Variants in PCDHA11 observed in about 807,000 individuals in gnomAD.
The protein encoded by PCDHA11 is protocadherin alpha 11, also known as protocadherin alpha-11.
In PCDHA11, 61 loss-of-function variants were observed where a neutral mutation model predicts 70.3. The observed-to-expected ratio is 0.87, with a 90% CI of 0.71 to 1.07. The LOEUF is 1.07. Among genes scored for constraint, PCDHA11 ranks in the 50% least tolerant of loss-of-function variants. PCDHA11 has a pLI of 0.00. For missense variants in PCDHA11, 1,324 were observed against 1,237.5 expected, an observed-to-expected ratio of 1.07 and a Z score of -1.05; for synonymous variants, 633 against 555.1, an observed-to-expected ratio of 1.14 and a Z score of -1.97.
At chr5:140,898,957 G>A (rs1165991766) in intron 1 of PCDHA11, among the ~76,000 whole-genome samples, 13 of 152,052 alleles carry the variant, frequency 8.5e-5, no homozygotes, top group Admixed American at 8.5e-4. Flanking sequence ...AAGCAGTTGT[G>A]AATGGGAGTT....
At chr5:140,968,609 G>C (rs1554230915) in intron 1 of PCDHA11, 1 of 1,614,194 alleles carries the variant, frequency 6.2e-7, no homozygotes, top group Admixed American at 1.7e-5. Context: ...CTCAGACTCT[G>C]GGCAAAATGC....
At chr5:140,892,283 C>T (rs1554185144) in intron 1 of PCDHA11, among the ~76,000 whole-genome samples, 1 of 152,172 alleles carries the variant, frequency 6.6e-6, no homozygotes, top group African/African-American at 2.4e-5. Context: ...GTATTAAACA[C>T]TTCTTCCTGG....
intron 3 of PCDHA11, among the ~76,000 whole-genome samples, chr5:140,998,057 A>G (rs2097795221): frequency 1.3e-5 from 2 of 152,294 alleles, no homozygotes; most frequent in South Asian, 4.1e-4. Flanking sequence ...TGACATCATC[A>G]TCAACAGACT....
chr5:140,949,012 A>G (rs1029892336), intron 1 of PCDHA11, among the ~76,000 whole-genome samples: 11 of 151,632 alleles, frequency 7.3e-5, no homozygotes, highest in African/African-American at 2.7e-4. Flanking sequence ...TTTATATGTG[A>G]TGTTTTTATT....
chr5:140,871,302 G>A lies in PCDHA11; in HGVS notation c.2199G>A (p.Pro733=). 6.2e-7 allele frequency: 1 copy of A among 1,613,972 alleles called. No homozygotes were observed. Among genetic ancestry groups the A allele is most frequent in the Non-Finnish European group, 8.5e-7 (1 of 1,179,968 alleles). Residue 733 remains proline (P), a synonymous_variant, in exon 1 of 4, where the codon CCG becomes CCA. Coordinates refer to ENST00000398640, the MANE Select transcript of PCDHA11 (RefSeq NM_018902.5). ...CGCCCACTGAGGGCGCGTGCGCGCCGGGGAAGCCCACGCTGGTGTGCTCCC... is the reference window on the plus strand; with the variant it reads ...CGCCCACTGAGGGCGCGTGCGCGCCAGGGAAGCCCACGCTGGTGTGCTCCC... ...SATPTEGACA[P]GKPTLVCSRA...
intron 3 of PCDHA11, among the ~76,000 whole-genome samples, chr5:140,987,400 C>T (rs1554249169): frequency 1.3e-5 from 2 of 152,090 alleles, no homozygotes; most frequent in Middle Eastern, 3.2e-3. Context: ...AGGAAGCCAT[C>T]TGTTTATGGT....
At chr5:140,916,261 A>C (rs2077497892) in intron 1 of PCDHA11, among the ~76,000 whole-genome samples, 1 of 152,168 alleles carries the variant, frequency 6.6e-6, no homozygotes. Context: ...GGACCCCAAG[A>C]GCATGCTTGT....
chr5:140,932,866 T>C (rs1584758563), intron 1 of PCDHA11, among the ~76,000 whole-genome samples: 1 of 151,996 alleles, frequency 6.6e-6, no homozygotes, highest in Non-Finnish European at 1.5e-5. Flanking sequence ...TTATTGTCTT[T>C]TGTTGTCTTC....
At chr5:140,929,395 C>G (rs1317256449) in intron 1 of PCDHA11, 8 of 1,510,412 alleles carry the variant, frequency 5.3e-6, no homozygotes, top group Non-Finnish European at 5.3e-6. Flanking sequence ...TGAAATATTT[C>G]TTAGACAAGC....
chr5:140,882,891 A>C, intron 1 of PCDHA11: 1 of 1,614,230 alleles, frequency 6.2e-7, no homozygotes, highest in East Asian at 2.2e-5. Flanking sequence ...ATTCAGGAAC[A>C]TAGTTTATTA....
Position 140,883,261 on chromosome 5 carries a change from G to A in PCDHA11, c.2391+11767G>A, listed in dbSNP as rs148578758. The A allele has an allele frequency of 8.1e-5, 131 of 1,613,912 alleles. No individual in the cohort carries two copies. In the African/African-American group the frequency reaches 1.7e-3, roughly 21 times the overall value. On this transcript the variant is annotated intron_variant, in intron 1 of 3. Transcript: ENST00000398640. Reference sequence around the variant, plus strand: ...TTGACAAAGGAAATATTCCAATGGCGGGTCATTGTACCCTTTTGGTGGAAG... The same window carrying A: ...TTGACAAAGGAAATATTCCAATGGCAGGTCATTGTACCCTTTTGGTGGAAG...
chr5:140,980,487 G>C (rs2096891705), intron 2 of PCDHA11, among the ~76,000 whole-genome samples: 1 of 152,124 alleles, frequency 6.6e-6, no homozygotes, highest in African/African-American at 2.4e-5. Flanking sequence ...AAAATTAGCT[G>C]GGCGTGATGG....
rs1207602014 is a variant in PCDHA11 at position 140,886,275 on chromosome 5, T to A, written c.2391+14781T>A. On this transcript the variant is annotated intron_variant, in intron 1 of 3. Transcript: ENST00000398640. ...ATCTCTATTTATAGATAAAATTTTT[T>A]AAAATTATTTTTATATTTATTTATT... 5.9e-5 allele frequency among the ~76,000 whole-genome samples: 9 copies of A among 152,098 alleles called. No homozygotes were observed. In the East Asian group the frequency reaches 1.5e-3, roughly 26 times the overall value.
At chr5:140,895,875 G>A (rs1277056649) in intron 1 of PCDHA11, among the ~76,000 whole-genome samples, 5 of 152,060 alleles carry the variant, frequency 3.3e-5, no homozygotes, top group African/African-American at 7.2e-5. Context: ...GCAATGGCGC[G>A]ATCTCGGCTC....
intron 1 of PCDHA11, among the ~76,000 whole-genome samples, chr5:140,960,011 A>G (rs578052753): frequency 1.2e-4 from 18 of 152,350 alleles, no homozygotes; most frequent in Admixed American, 1.0e-3. Flanking sequence ...TCTATTTTGC[A>G]TCATGATTTT....
At chr5:140,948,313 G>T (rs1554218515) in intron 1 of PCDHA11, among the ~76,000 whole-genome samples, 2 of 151,362 alleles carry the variant, frequency 1.3e-5, no homozygotes, top group Non-Finnish European at 3.0e-5. Flanking sequence ...TCTTCTTGAG[G>T]GGTAATGTTT....
intron 1 of PCDHA11, chr5:140,876,322 A>G (rs146464308): frequency 6.2e-7 from 1 of 1,614,034 alleles, no homozygotes; most frequent in Non-Finnish European, 8.5e-7. Context: ...GATCAAAATG[A>G]TTTTGCCAGT....
At chr5:140,871,833 T>G (rs2053334975) in intron 1 of PCDHA11, among the ~76,000 whole-genome samples, 1 of 152,282 alleles carries the variant, frequency 6.6e-6, no homozygotes, top group African/African-American at 2.4e-5. Flanking sequence ...CCTTCATCTC[T>G]AAACTTCAAT....
rs894945353 is a variant in PCDHA11 at position 140,936,140 on chromosome 5, G to A, written c.2392-42809G>A. ...ACTCCTGACCTTAAGTGATCTGCCC[G>A]CCTTGGCCTCCTAAAGTGCTGGGAT... is the stretch of plus-strand genomic sequence containing the variant. On this transcript the variant is annotated intron_variant, in intron 1 of 3. Coordinates refer to ENST00000398640, the MANE Select transcript of PCDHA11 (RefSeq NM_018902.5). 7.2e-5 allele frequency among the ~76,000 whole-genome samples: 11 copies of A among 152,050 alleles called. 1 individual carries two copies. The highest frequency in any genetic ancestry group is 6.6e-4 in the Admixed American group (10 of 15,256).
Sources: gnomAD v4.1 joint callset for allele counts (sites outside exome capture counted in the v4.1 genomes callset) on GRCh38, gnomAD v4.1.1 for gene constraint, MANE v1.5 for transcripts, NCBI Gene and HGNC (gene_info 2026-07-23, HGNC 2026-07-21) for gene names.